CCT6B: variants seen among roughly 807,000 people sequenced by gnomAD.
CCT6B encodes probable T-complex protein 1 subunit zeta-2.
CCT6B carries 49 observed loss-of-function variants against 61.5 expected under a neutral mutation model. The ratio of observed to expected loss-of-function variants is 0.80; its 90% CI spans 0.63 to 1.01. The LOEUF is 1.01. CCT6B is among the 50% of genes least tolerant of loss of function. The pLI, the probability that CCT6B is intolerant of heterozygous loss-of-function variation, is 0.00. For synonymous variants in CCT6B, 228 were observed against 214.5 expected (o/e 1.06, Z -0.55); for missense variants, 666 against 634.7 (o/e 1.05, Z -0.53).
intron 13 of CCT6B, 24 bp downstream of exon 13, chr17:34,928,938 C>T: frequency 7.6e-7 from 1 of 1,311,416 alleles, no homozygotes; most frequent in Non-Finnish European, 1.1e-6. Context: ...ACAGGTCTTT[C>T]ACTTTATGTT....
intron 10 of CCT6B, among the ~76,000 whole-genome samples, chr17:34,935,894 G>A (rs1431143366): frequency 3.3e-5 from 5 of 151,710 alleles, no homozygotes; most frequent in Admixed American, 1.3e-4. Flanking sequence ...CATCTCAATA[G>A]ATGCACAAGA....
intron 11 of CCT6B, among the ~76,000 whole-genome samples, chr17:34,931,344 T>G (rs1319461256): frequency 6.6e-6 from 1 of 152,192 alleles, no homozygotes; most frequent in East Asian, 1.9e-4. Context: ...AGGTTTGTTT[T>G]GTTTTGTTTT....
At chr17:34,953,565 G>A (rs1007162286) in intron 4 of CCT6B, among the ~76,000 whole-genome samples, 3 of 151,936 alleles carry the variant, frequency 2.0e-5, no homozygotes, top group Admixed American at 6.6e-5. Context: ...CCTGACCTCA[G>A]GTCGTCTCCC....
intron 5 of CCT6B, among the ~76,000 whole-genome samples, chr17:34,946,498 T>C (rs1468775660): frequency 6.6e-6 from 1 of 152,038 alleles, no homozygotes. Flanking sequence ...AAGAACCAAA[T>C]AGAACTTCTA....
At chr17:34,955,043 T>C (rs1045846598) in intron 3 of CCT6B, among the ~76,000 whole-genome samples, 6 of 152,344 alleles carry the variant, frequency 3.9e-5, no homozygotes, top group Non-Finnish European at 1.5e-5. Context: ...ATGCATTCAG[T>C]AGAACACAAC....
intron 10 of CCT6B, among the ~76,000 whole-genome samples, chr17:34,936,855 A>C (rs891281140): frequency 3.3e-5 from 5 of 152,148 alleles, no homozygotes; most frequent in Non-Finnish European, 7.4e-5. Flanking sequence ...CTACAGATTT[A>C]ATAAAATTCC....
In CCT6B at chr17:34,942,510, T is replaced by C; in HGVS notation, c.859A>G (p.Lys287Glu). ...TTTTGATTAATGACGACAAATCCTT[T>C]ATTTGACTGAGCACAGACTTTGTCC... ...LKDKVCAQSN[K>E]GFVVINQKGI... The change falls in exon 7 of 14, where the codon AAA (lysine) becomes GAA (glutamate). Residue 287 changes from lysine (K) to glutamate (E), a missense_variant. Transcript: ENST00000314144. 5 of 1,593,070 alleles carry C rather than the reference T, an allele frequency of 3.1e-6. No individual in the cohort carries two copies. In the African/African-American group the frequency reaches 5.5e-5, roughly 17 times the overall value.
chr17:34,953,324 T>A (rs1357980749), intron 4 of CCT6B, among the ~76,000 whole-genome samples: 1 of 132,650 alleles, frequency 7.5e-6, no homozygotes, highest in African/African-American at 2.6e-5. Flanking sequence ...ATAAAATATA[T>A]ATATATATAT....
intron 5 of CCT6B, chr17:34,943,683 G>T (rs2090192501): frequency 6.6e-6 from 1 of 151,842 alleles, no homozygotes; most frequent in Non-Finnish European, 1.5e-5. Context: ...GTTAATGGGT[G>T]CAGCACACCA....
chr17:34,940,525 A>T lies in CCT6B; in HGVS notation c.968+14T>A, dbSNP rs1450236271. 1 of 1,427,836 alleles carries T rather than the reference A, an allele frequency of 7.0e-7. No homozygotes were observed. The highest frequency in any genetic ancestry group is 1.4e-5 in the African/African-American group (1 of 69,452). The allele number at this position is 1,427,836 out of a possible 1,614,324, so 88.4% of individuals were successfully genotyped here. ...TGTTAAAAACTTAGGATATATAATT[A>T]TCTGCAAGCTTACCTTTCCATATTT... On this transcript the variant is annotated intron_variant, in intron 8 of 13. Coordinates refer to ENST00000314144, the MANE Select transcript of CCT6B (RefSeq NM_006584.4).
intron 5 of CCT6B, 104 bp from the exon 6 acceptor site, chr17:34,943,010 ATTGTTTCC>A: frequency 1.5e-6 from 1 of 650,488 alleles, no homozygotes; most frequent in Non-Finnish European, 2.6e-6. Flanking sequence ...CAGGACACAC[ATTGTTTCC>A]TTGTACCAAT....
At chr17:34,931,414 A>T (rs2090034222) in intron 11 of CCT6B, among the ~76,000 whole-genome samples, 1 of 152,160 alleles carries the variant, frequency 6.6e-6, no homozygotes, top group Admixed American at 6.6e-5. Context: ...CGCTAGCCAC[A>T]TGCCCTCCAG....
At chr17:34,931,499 C>A (rs1418200128) in intron 11 of CCT6B, among the ~76,000 whole-genome samples, 1 of 152,090 alleles carries the variant, frequency 6.6e-6, no homozygotes, top group Non-Finnish European at 1.5e-5. Flanking sequence ...TGAGGAGAGT[C>A]ACGACCTGTG....
At chr17:34,959,711 C>T in intron 1 of CCT6B, 61 bp from the exon 2 acceptor site, 1 of 1,158,028 alleles carries the variant, frequency 8.6e-7, no homozygotes, top group Non-Finnish European at 1.3e-6. Context: ...GTGCTTGCCA[C>T]TCCATTATCC....
rs202208798 is a variant in CCT6B, at chr17:34,942,792, G to A, written c.725+4C>T. ...AAAAGTTATAAAGAGAAAGTAACAC[G>A]CACGTTTTTTCATATTCCAGTGAAA... On this transcript the variant is annotated splice_donor_region_variant and intron_variant, in intron 6 of 13. Transcript: ENST00000314144. 218 of 1,572,066 alleles carry A rather than the reference G, an allele frequency of 1.4e-4. No individual in the cohort carries two copies. The Admixed American group carries it at 1.8e-3, about 13-fold the overall frequency.
At chr17:34,938,476 A>G (rs1460133753) in intron 10 of CCT6B, among the ~76,000 whole-genome samples, 1 of 152,088 alleles carries the variant, frequency 6.6e-6, no homozygotes, top group Non-Finnish European at 1.5e-5. Flanking sequence ...GGATCACTTG[A>G]GCACAGGGGT....
In CCT6B at chr17:34,930,938, C is replaced by T; in HGVS notation, c.1450+11G>A. On this transcript the variant is annotated intron_variant, in intron 12 of 13. Transcript: ENST00000314144. The stretch of plus-strand genomic sequence containing the variant: ...CTTTATTAAGCAGCTAATTTTCCTT[C>T]ACTTTCTTACCTGTATTCAAATCTA... The T allele has an allele frequency of 6.8e-7, 1 of 1,471,912 alleles. No individual in the cohort carries two copies. The highest frequency in any genetic ancestry group is 9.5e-7 in the Non-Finnish European group (1 of 1,054,562). The allele number at this position is 1,471,912 out of a possible 1,614,324, so 91.2% of individuals were successfully genotyped here.
intron 4 of CCT6B, 92 bp downstream of exon 4, chr17:34,954,334 C>T (rs1203403764): frequency 3.0e-5 from 30 of 986,210 alleles, no homozygotes; most frequent in Admixed American, 1.5e-4. Flanking sequence ...CCCAAAAAAC[C>T]ACATGAAATA....
At chr17:34,961,021 TGAC>T (rs747855228) in intron 1 of CCT6B, among the ~76,000 whole-genome samples, 1 of 152,230 alleles carries the variant, frequency 6.6e-6, no homozygotes, top group African/African-American at 2.4e-5. Context: ...ATATGAACCT[TGAC>T]GACAAGTCGG....
Sources: gnomAD v4.1 joint callset for allele counts (sites outside exome capture counted in the v4.1 genomes callset) on GRCh38, gnomAD v4.1.1 for gene constraint, MANE v1.5 for transcripts, NCBI Gene and HGNC (gene_info 2026-07-23, HGNC 2026-07-21) for gene names.